Variants in SLC35B3 observed in about 807,000 individuals in gnomAD.
SLC35B3 encodes adenosine 3'-phospho 5'-phosphosulfate transporter 2.
A neutral mutation model predicts 44.1 loss-of-function variants in SLC35B3; 35 were observed. The observed-to-expected ratio is 0.79, with a 90% CI of 0.61 to 1.05. The LOEUF (loss-of-function observed/expected upper bound fraction) is 1.05. Ranked by LOEUF, SLC35B3 falls within the 50% of genes least tolerant of loss-of-function variation. The pLI, the probability that SLC35B3 is intolerant of heterozygous loss-of-function variation, is 0.00. For missense variants in SLC35B3, 414 were observed against 476.4 expected, an observed-to-expected ratio of 0.87 and a Z score of 1.22; for synonymous variants, 146 against 167.3, an observed-to-expected ratio of 0.87 and a Z score of 0.98.
At chr6:8,423,499 G>A (rs1442060632) in intron 4 of SLC35B3, among the ~76,000 whole-genome samples, 2 of 152,204 alleles carry the variant, frequency 1.3e-5, no homozygotes, top group African/African-American at 2.4e-5. Context: ...TCAGAATTTT[G>A]AGCCATTACT....
chr6:8,417,510 A>G lies in SLC35B3; in HGVS notation c.781-16T>C. On this transcript the variant is annotated splice_polypyrimidine_tract_variant and intron_variant, in intron 7 of 10. Coordinates refer to ENST00000644923, the MANE Select transcript of SLC35B3 (RefSeq NM_001370476.2). ...AATACAATACCTAGAGCAGATAAAA[A>G]TAAAGCAGAAAAAAGTACTATGAAA... The G allele has an allele frequency of 2.7e-6, 4 of 1,481,866 alleles. No individual in the cohort carries two copies. The highest frequency in any genetic ancestry group is 3.7e-6 in the Non-Finnish European group (4 of 1,093,006). 91.8% of individuals were successfully genotyped at this position (1,481,866 alleles called of 1,614,324 possible).
intron 9 of SLC35B3, among the ~76,000 whole-genome samples, chr6:8,415,716 CCAGAGT>C (rs1228292193): frequency 1.8e-4 from 28 of 152,284 alleles, no homozygotes; most frequent in African/African-American, 6.7e-4. Flanking sequence ...TGGAAACGTG[CCAGAGT>C]CAGATTCCAA....
At position 8,433,901 on chromosome 6, in the gene SLC35B3, T is replaced by TAAA. The variant is rs3032674; in HGVS notation, c.3+481_3+483dup. Among the ~76,000 whole-genome samples the TAAA allele has an allele frequency of 1.8e-4, 26 of 147,526 alleles. No individual in the cohort carries two copies. In the East Asian group the frequency reaches 3.8e-3, roughly 21 times the overall value. ...TTAATGACTGATACTAACCATCATC[T>TAAA]AAAAAAAAAAATGGGCCAAACTCCT... is the stretch of plus-strand genomic sequence containing the variant. On this transcript the variant is annotated intron_variant, in intron 2 of 10. Transcript: ENST00000644923. The surrounding 1 kb of genome is among the most constrained non-coding windows in gnomAD (Gnocchi z 4.1).
In SLC35B3 at chr6:8,419,907, C is replaced by T. The variant is rs866125280; in HGVS notation, c.683-230G>A. Among the ~76,000 whole-genome samples, 2 of 152,010 alleles carry T rather than the reference C, an allele frequency of 1.3e-5. No homozygotes were observed. The highest frequency in any genetic ancestry group is 2.9e-5 in the Non-Finnish European group (2 of 67,966). On this transcript the variant is annotated intron_variant, in intron 6 of 10. Coordinates refer to ENST00000644923, the MANE Select transcript of SLC35B3 (RefSeq NM_001370476.2). This position sits in a 1 kb window ranked among gnomAD's most constrained non-coding sequence, Gnocchi z 4.3. ...AACTGAGTTAGTTCTGTACATATCA[C>T]ATTTCACATTTCAATAGCGTATTAA... is the stretch of plus-strand genomic sequence containing the variant.
chr6:8,434,325 A>G lies in SLC35B3; in HGVS notation c.3+60T>C. On this transcript the variant is annotated intron_variant, in intron 2 of 10. Transcript: ENST00000644923. The surrounding 1 kb of genome is among the most constrained non-coding windows in gnomAD (Gnocchi z 6.3). ...AAGTCATTACGGTGTCATTAACCTGAAAAAACGTGATTTTAACTATACTTT... is the reference window on the plus strand; with the variant it reads ...AAGTCATTACGGTGTCATTAACCTGGAAAAACGTGATTTTAACTATACTTT... 6.5e-7 allele frequency: 1 copy of G among 1,541,204 alleles called. No individual in the cohort carries two copies. Among genetic ancestry groups the G allele is most frequent in the Admixed American group, 1.7e-5 (1 of 59,304 alleles).
In SLC35B3 at chr6:8,411,656, G is replaced by T. The variant is rs1259159158; in HGVS notation, c.*1893C>A. Among the ~76,000 whole-genome samples the T allele has an allele frequency of 6.6e-6, 1 of 152,106 alleles. No homozygotes were observed. The highest frequency in any genetic ancestry group is 2.4e-5 in the African/African-American group (1 of 41,420). Reference sequence around the variant, plus strand: ...CAAATGGGCAAATGAAAACCAGTCCGAATTCCTCATGCTGGACCCCTCCAT... The same window carrying T: ...CAAATGGGCAAATGAAAACCAGTCCTAATTCCTCATGCTGGACCCCTCCAT... On this transcript the variant is annotated 3_prime_UTR_variant, in exon 11 of 11. Coordinates refer to ENST00000644923, the MANE Select transcript of SLC35B3 (RefSeq NM_001370476.2).
Position 8,435,459 on chromosome 6 carries a change from C to G in SLC35B3, c.-160G>C. 1 of 1,171,316 alleles carries G rather than the reference C, an allele frequency of 8.5e-7. No individual in the cohort carries two copies. Among genetic ancestry groups the G allele is most frequent in the South Asian group, 1.3e-5 (1 of 78,230 alleles). The allele number at this position is 1,171,316 out of a possible 1,614,324, so 72.6% of individuals were successfully genotyped here. On this transcript the variant is annotated 5_prime_UTR_variant, in exon 1 of 11. Transcript: ENST00000644923. The surrounding 1 kb of genome is among the most constrained non-coding windows in gnomAD (Gnocchi z 5.5). ...ATCACCTCCTCTTCCTCCTCCTCCT[C>G]GCCCACTCCTGCACTTTCCACCGCG...
rs187335852 is a variant in SLC35B3 at position 8,420,214 on chromosome 6, C to G, written c.682+507G>C. ...CTCCTTTGTATAAACACACTCAGCA[C>G]ACATTTTCCATGATTTCCAAGGTGT... On this transcript the variant is annotated intron_variant, in intron 6 of 10. Coordinates refer to ENST00000644923, the MANE Select transcript of SLC35B3 (RefSeq NM_001370476.2). This position sits in a 1 kb window ranked among gnomAD's most constrained non-coding sequence, Gnocchi z 4.4. Among the ~76,000 whole-genome samples, 6 of 152,226 alleles carry G rather than the reference C, an allele frequency of 3.9e-5. No individual in the cohort carries two copies. Among genetic ancestry groups the G allele is most frequent in the African/African-American group, 1.4e-4 (6 of 41,526 alleles).
Position 8,434,049 on chromosome 6 carries a change from T to TATATATATA in SLC35B3, c.3+335_3+336insTATATATAT, listed in dbSNP as rs1554122963. Among the ~76,000 whole-genome samples the TATATATATA allele has an allele frequency of 1.3e-3, 193 of 150,240 alleles. 3 individuals carry two copies. Among genetic ancestry groups the TATATATATA allele is most frequent in the East Asian group, 0.013 (65 of 5,074 alleles). ...TGAAACTAAAATATATATATATATA[T>TATATATATA]TTTAAAAATCACAGGTGTGTATAAT... On this transcript the variant is annotated intron_variant, in intron 2 of 10. Coordinates refer to ENST00000644923, the MANE Select transcript of SLC35B3 (RefSeq NM_001370476.2). The surrounding 1 kb of genome is among the most constrained non-coding windows in gnomAD (Gnocchi z 6.3).
rs567264088 is a variant in SLC35B3, at chr6:8,417,387, G to A, written c.873+15C>T. ...TAACAGAAGATTTTTTTTTTTAAAT[G>A]TGATTAGTGTTTACCTTTGCACAAA... On this transcript the variant is annotated intron_variant, in intron 8 of 10. Transcript: ENST00000644923. 29 of 1,443,312 alleles carry A rather than the reference G, an allele frequency of 2.0e-5. No individual in the cohort carries two copies. In the South Asian group the frequency reaches 3.2e-4, roughly 16 times the overall value. 89.4% of individuals were successfully genotyped at this position (1,443,312 alleles called of 1,614,324 possible).
chr6:8,434,049 T>G lies in SLC35B3; in HGVS notation c.3+336A>C, dbSNP rs946871106. Among the ~76,000 whole-genome samples the G allele has an allele frequency of 6.7e-6, 1 of 150,162 alleles. No individual in the cohort carries two copies. The highest frequency in any genetic ancestry group is 1.5e-5 in the Non-Finnish European group (1 of 67,716). ...TGAAACTAAAATATATATATATATATTTTAAAAATCACAGGTGTGTATAAT... is the reference window on the plus strand; with the variant it reads ...TGAAACTAAAATATATATATATATAGTTTAAAAATCACAGGTGTGTATAAT... On this transcript the variant is annotated intron_variant, in intron 2 of 10. Transcript: ENST00000644923. The surrounding 1 kb of genome is among the most constrained non-coding windows in gnomAD (Gnocchi z 6.3).
At chr6:8,430,750 T>C (rs1480794452) in intron 2 of SLC35B3, among the ~76,000 whole-genome samples, 3 of 150,506 alleles carry the variant, frequency 2.0e-5, no homozygotes, top group Non-Finnish European at 4.4e-5. Context: ...ATAAAAAAAT[T>C]AGCTGGACAT....
Position 8,411,669 on chromosome 6 carries a change from T to C in SLC35B3, c.*1880A>G, listed in dbSNP as rs1229708165. Among the ~76,000 whole-genome samples, 1 of 152,206 alleles carries C rather than the reference T, an allele frequency of 6.6e-6. No individual in the cohort carries two copies. The highest frequency in any genetic ancestry group is 2.4e-5 in the African/African-American group (1 of 41,468). On this transcript the variant is annotated 3_prime_UTR_variant, in exon 11 of 11. Transcript: ENST00000644923. ...GAAAACCAGTCCGAATTCCTCATGC[T>C]GGACCCCTCCATGATACAGGCTCTG...
intron 5 of SLC35B3, among the ~76,000 whole-genome samples, chr6:8,422,003 TTTG>T (rs1762935226): frequency 6.6e-6 from 1 of 152,070 alleles, no homozygotes. Context: ...TGTTTGTTTG[TTTG>T]TTTGTTTGTT....
rs1225086472 is a variant in SLC35B3, at chr6:8,432,044, AT to A, written c.4-1888del. Among the ~76,000 whole-genome samples the A allele has an allele frequency of 6.6e-6, 1 of 152,116 alleles. No homozygotes were observed. The highest frequency in any genetic ancestry group is 2.4e-5 in the African/African-American group (1 of 41,424). ...CCCCTCCTTTGTGACACCATCACTA[AT>A]CCCCCCAGTTATTAGAAAAGAGAAC... On this transcript the variant is annotated intron_variant, in intron 2 of 10. Coordinates refer to ENST00000644923, the MANE Select transcript of SLC35B3 (RefSeq NM_001370476.2). This position sits in a 1 kb window ranked among gnomAD's most constrained non-coding sequence, Gnocchi z 4.8.
rs1319502495 is a variant in SLC35B3, at chr6:8,435,384, C to A, written c.-85G>T. On this transcript the variant is annotated 5_prime_UTR_variant, in exon 1 of 11. Transcript: ENST00000644923. The surrounding 1 kb of genome is among the most constrained non-coding windows in gnomAD (Gnocchi z 5.5). Reference sequence around the variant, plus strand: ...CACCCGGAAGGGTGACGGCAGCCTGCGTGGCGTCTGAGCTAGACGGAGCAT... The same window carrying A: ...CACCCGGAAGGGTGACGGCAGCCTGAGTGGCGTCTGAGCTAGACGGAGCAT... 3 of 1,288,772 alleles carry A rather than the reference C, an allele frequency of 2.3e-6. No homozygotes were observed. Among genetic ancestry groups the A allele is most frequent in the South Asian group, 2.5e-5 (2 of 80,988 alleles). The allele number at this position is 1,288,772 out of a possible 1,614,324, so 79.8% of individuals were successfully genotyped here. A position where few individuals can be genotyped will look rare whatever the true frequency, so the allele number is the denominator to read the frequency against.
At chr6:8,427,775 G>T in intron 4 of SLC35B3, 162 bp downstream of exon 3, 5 of 510,032 alleles carry the variant, frequency 9.8e-6, no homozygotes, top group Admixed American at 3.6e-5. Context: ...ATTTTTTTCA[G>T]TGTATAAATG....
At chr6:8,427,280 A>G (rs1763509018) in intron 4 of SLC35B3, among the ~76,000 whole-genome samples, 1 of 152,140 alleles carries the variant, frequency 6.6e-6, no homozygotes, top group Non-Finnish European at 1.5e-5. Flanking sequence ...AGAGCATGTC[A>G]TGGGTCTTCA....
chr6:8,413,543 C>G lies in SLC35B3; in HGVS notation c.*6G>C. The G allele has an allele frequency of 6.3e-7, 1 of 1,594,870 alleles. No homozygotes were observed. Among genetic ancestry groups the G allele is most frequent in the African/African-American group, 1.4e-5 (1 of 73,750 alleles). On this transcript the variant is annotated 3_prime_UTR_variant, in exon 11 of 11. Transcript: ENST00000644923. ...AAAATTCTATTTTAAATAGGACAATCACTGTCTATACAGTCTGTGCCAGCG... is the reference window on the plus strand; with the variant it reads ...AAAATTCTATTTTAAATAGGACAATGACTGTCTATACAGTCTGTGCCAGCG...
Sources: gnomAD v4.1 joint callset for allele counts (sites outside exome capture counted in the v4.1 genomes callset) on GRCh38, gnomAD v4.1.1 for gene constraint, Gnocchi (gnomAD v3.1) non-coding constraint, MANE v1.5 for transcripts, NCBI Gene and HGNC (gene_info 2026-07-23, HGNC 2026-07-21) for gene names.